Variants in KIAA1549 observed in about 807,000 individuals in gnomAD.
KIAA1549 encodes KIAA1549.
Under a neutral mutation model 156.4 loss-of-function variants are expected in KIAA1549, and 70 were observed. That is an observed-to-expected ratio of 0.45 (90% CI 0.37 to 0.55). KIAA1549 has a LOEUF of 0.55. KIAA1549 is among the 20% of genes least tolerant of loss of function. The pLI is 0.00. For synonymous variants in KIAA1549, 1,103 were observed against 1,066.4 expected (o/e 1.03, Z -0.67); for missense variants, 2,428 against 2,540.9 (o/e 0.96, Z 0.96).
intron 1 of KIAA1549, among the ~76,000 whole-genome samples, chr7:138,928,443 C>G (rs1050991969): frequency 1.3e-5 from 2 of 152,088 alleles, no homozygotes; most frequent in Admixed American, 1.3e-4. Context: ...CGTGCCACCA[C>G]GCCCAGCTAA....
At chr7:138,949,403 A>G (rs1028380798) in intron 1 of KIAA1549, among the ~76,000 whole-genome samples, 6 of 152,212 alleles carry the variant, frequency 3.9e-5, no homozygotes, top group African/African-American at 1.4e-4. Flanking sequence ...ATAGACCCGC[A>G]TATTAGGTAT....
rs995929097 is a variant in KIAA1549 at position 138,861,322 on chromosome 7, G to A, written c.5064C>T (p.His1688=). Reference sequence around the variant, plus strand: ...GGGCAAAGGCGTCGTCCAGGAGGGAGTGCATGGTCTGGCGTGCCTCCTCGA... The same window carrying A: ...GGGCAAAGGCGTCGTCCAGGAGGGAATGCATGGTCTGGCGTGCCTCCTCGA... The part of the protein sequence containing the change: ...PSIEEARQTM[H]SLLDDAFALV... The change falls in exon 16 of 20, where the codon CAC becomes CAT. Residue 1688 remains histidine, a synonymous_variant. Coordinates refer to ENST00000422774, the MANE Select transcript of KIAA1549 (RefSeq NM_001164665.2). 1.9e-6 allele frequency: 3 copies of A among 1,609,076 alleles called. No homozygotes were observed. The highest frequency in any genetic ancestry group is 2.2e-5 in the East Asian group (1 of 44,834).
chr7:138,882,052 A>G (rs969634910), intron 10 of KIAA1549, among the ~76,000 whole-genome samples: 1 of 152,236 alleles, frequency 6.6e-6, no homozygotes, highest in Non-Finnish European at 1.5e-5. Flanking sequence ...AGCACGAGAG[A>G]AAAGTCCAGT....
intron 7 of KIAA1549, among the ~76,000 whole-genome samples, chr7:138,904,655 A>G (rs2130453746): frequency 6.6e-6 from 1 of 151,152 alleles, no homozygotes; most frequent in South Asian, 2.1e-4. Flanking sequence ...CCCAGGTGCC[A>G]AGCCACCCTG....
intron 1 of KIAA1549, among the ~76,000 whole-genome samples, chr7:138,921,606 C>A (rs1345600795): frequency 2.0e-5 from 3 of 152,148 alleles, no homozygotes; most frequent in African/African-American, 7.2e-5. Flanking sequence ...GTGGCTCAGG[C>A]CTGTAATCCC....
intron 1 of KIAA1549, among the ~76,000 whole-genome samples, chr7:138,974,419 G>A (rs1424834101): frequency 6.6e-6 from 1 of 152,002 alleles, no homozygotes. Flanking sequence ...CAACTGCTAT[G>A]GTAGTATCTC....
rs1195395509 is a variant in KIAA1549 at position 138,907,034 on chromosome 7, C to T, written c.3345G>A (p.Ala1115=). 4.3e-6 allele frequency: 7 copies of T among 1,613,452 alleles called. No homozygotes were observed. The highest frequency in any genetic ancestry group is 2.2e-5 in the South Asian group (2 of 91,032). ...PRRGPVNIIF[A]VKSTQGFLNG... ...TCAAAAATCCCTGTGTGCTTTTAAC[C>T]GCAAAGATGATATTCACCGGGCCCC... The change falls in exon 6 of 20, where the codon GCG becomes GCA. Residue 1115 remains alanine, a synonymous_variant. Coordinates refer to ENST00000422774, the MANE Select transcript of KIAA1549 (RefSeq NM_001164665.2).
rs182221658 is a variant in KIAA1549 at position 138,970,056 on chromosome 7, G to A, written c.187+11027C>T. Reference sequence around the variant, plus strand: ...CACCCTGTTGTGCTAGCAAATACTAGGTCTTACTCATTCTTAACTCTTTTC... The same window carrying A: ...CACCCTGTTGTGCTAGCAAATACTAAGTCTTACTCATTCTTAACTCTTTTC... On this transcript the variant is annotated intron_variant, in intron 1 of 19. Transcript: ENST00000422774. Among the ~76,000 whole-genome samples the A allele has an allele frequency of 3.3e-4, 50 of 152,222 alleles. No individual in the cohort carries two copies. In the East Asian group the frequency reaches 7.5e-3, roughly 23 times the overall value.
At chr7:138,899,361 T>C (rs559684513) in intron 8 of KIAA1549, among the ~76,000 whole-genome samples, 3 of 152,212 alleles carry the variant, frequency 2.0e-5, no homozygotes, top group South Asian at 4.2e-4. Context: ...TCGCTCTACA[T>C]CTTTTCTGGG....
chr7:138,931,855 A>G (rs995598105), intron 1 of KIAA1549, among the ~76,000 whole-genome samples: 3 of 152,138 alleles, frequency 2.0e-5, no homozygotes, highest in Non-Finnish European at 2.9e-5. Flanking sequence ...TTAAGATGGA[A>G]GATTTAAGAA....
intron 1 of KIAA1549, 84 bp from the exon 2 acceptor site, chr7:138,919,522 C>T: frequency 1.3e-6 from 2 of 1,525,014 alleles, no homozygotes; most frequent in Non-Finnish European, 1.8e-6. Flanking sequence ...AGAATTTACT[C>T]ATTTAACAAA....
intron 15 of KIAA1549, among the ~76,000 whole-genome samples, chr7:138,867,209 T>G (rs1810771479): frequency 6.6e-6 from 1 of 152,156 alleles, no homozygotes; most frequent in South Asian, 2.1e-4. Context: ...AAACCCTAAA[T>G]ATCCCTCCTC....
rs929745108 is a variant in KIAA1549 at position 138,858,842 on chromosome 7, T to C, written c.5247+2297A>G. ...CTACATGGTGAAACCCTATCTCTAC[T>C]AAAAATACAAAAAATTAGCCAGGCG... On this transcript the variant is annotated intron_variant, in intron 16 of 19. Transcript: ENST00000422774. Among the ~76,000 whole-genome samples, 3 of 152,024 alleles carry C rather than the reference T, an allele frequency of 2.0e-5. No homozygotes were observed. The South Asian group carries it at 6.2e-4, about 32-fold the overall frequency.
chr7:138,918,997 G>C lies in KIAA1549; in HGVS notation c.629C>G (p.Ser210Trp). Reference protein sequence around the residue: ...MVSLQDEEVTSGWQNTTRQPA... With the variant: ...MVSLQDEEVTWGWQNTTRQPA... ...TTGTCGCGTTGTGTTCTGCCAGCCC[G>C]ATGTCACTTCTTCATCTTGTAAAGA... Residue 210 changes from serine to tryptophan, a missense_variant, in exon 2 of 20, where the codon TCG becomes TGG. By Grantham distance (177) the Ser-to-Trp change is radical (BLOSUM62 -3). Around this residue, in one of 5 missense-constraint regions of KIAA1549, gnomAD observed 893 missense variants for 847.9 expected, o/e 1.05. Coordinates refer to ENST00000422774, the MANE Select transcript of KIAA1549 (RefSeq NM_001164665.2). This position sits in a 1 kb window ranked among gnomAD's most constrained non-coding sequence, Gnocchi z 4.2. The C allele has an allele frequency of 6.2e-7, 1 of 1,614,000 alleles. No homozygotes were observed. The highest frequency in any genetic ancestry group is 1.1e-5 in the South Asian group (1 of 91,082).
At position 138,946,551 on chromosome 7, in the gene KIAA1549, G is replaced by A. The variant is rs949094420; in HGVS notation, c.188-27113C>T. Among the ~76,000 whole-genome samples, 4 of 151,996 alleles carry A rather than the reference G, an allele frequency of 2.6e-5. 1 individual carries two copies. Among genetic ancestry groups the A allele is most frequent in the East Asian group, 3.9e-4 (2 of 5,176 alleles). ...TCCCAGCACTTTGGGAGGCTGAGGC[G>A]GGCAGATCACTTGAGCCCAGGAGTT... On this transcript the variant is annotated intron_variant, in intron 1 of 19. Transcript: ENST00000422774.
chr7:138,851,230 G>A (rs1810222891), intron 17 of KIAA1549, among the ~76,000 whole-genome samples: 1 of 152,004 alleles, frequency 6.6e-6, no homozygotes, highest in African/African-American at 2.4e-5. Context: ...CTTTCTGCAT[G>A]TCCTGTAAAT....
At chr7:138,950,560 A>G (rs1321061583) in intron 1 of KIAA1549, among the ~76,000 whole-genome samples, 1 of 152,218 alleles carries the variant, frequency 6.6e-6, no homozygotes, top group Non-Finnish European at 1.5e-5. Flanking sequence ...TTTAAAGACT[A>G]TTTGGTACAA....
chr7:138,847,964 A>C (rs1397461218), intron 17 of KIAA1549, among the ~76,000 whole-genome samples: 2 of 152,150 alleles, frequency 1.3e-5, no homozygotes, highest in Non-Finnish European at 2.9e-5. Context: ...ACATCTTTGA[A>C]ATTTTTTTCT....
At chr7:138,932,288 G>A (rs1812894434) in intron 1 of KIAA1549, among the ~76,000 whole-genome samples, 1 of 152,224 alleles carries the variant, frequency 6.6e-6, no homozygotes, top group Non-Finnish European at 1.5e-5. Flanking sequence ...CACTATGTGG[G>A]CAAAGGATGT....
Sources: allele counts gnomAD v4.1 joint callset (sites outside exome capture counted in the v4.1 genomes callset), GRCh38; gene constraint gnomAD v4.1.1; regional missense constraint gnomAD v4.1.1; non-coding constraint Gnocchi (gnomAD v3.1); transcripts MANE v1.5; gene names NCBI Gene and HGNC (gene_info 2026-07-23, HGNC 2026-07-21).